Variants in FTO observed in about 807,000 individuals in gnomAD.
FTO encodes the protein alpha-ketoglutarate-dependent dioxygenase FTO.
Under a neutral mutation model 63.9 loss-of-function variants are expected in FTO, and 47 were observed. That is an observed-to-expected ratio of 0.74 (90% CI 0.58 to 0.94). FTO has a LOEUF of 0.94. FTO is among the 40% of genes least tolerant of loss of function. The pLI, the probability that FTO is intolerant of heterozygous loss-of-function variation, is 0.00. For missense variants in FTO, 562 were observed against 618.1 expected (o/e 0.91, Z 0.96); for synonymous variants, 207 against 224.4 (o/e 0.92, Z 0.69).
chr16:53,711,645 A>G (rs1299714589), intron 1 of FTO, among the ~76,000 whole-genome samples: 2 of 152,180 alleles, frequency 1.3e-5, no homozygotes, highest in African/African-American at 4.8e-5. Context: ...TTAGTCATGG[A>G]ATAAAAAGCT....
chr16:53,885,627 T>C (rs1467819671), intron 6 of FTO, among the ~76,000 whole-genome samples: 3 of 152,236 alleles, frequency 2.0e-5, no homozygotes, highest in Admixed American at 1.3e-4. Flanking sequence ...GTGGTCTTGT[T>C]TAGTATGCAT....
At chr16:53,804,893 G>A (rs901363710) in intron 1 of FTO, among the ~76,000 whole-genome samples, 1 of 152,060 alleles carries the variant, frequency 6.6e-6, no homozygotes, top group Non-Finnish European at 1.5e-5. Context: ...GGGCTTACAG[G>A]TGTGAGCCAC....
chr16:54,018,423 T>G (rs2084509113), intron 8 of FTO, among the ~76,000 whole-genome samples: 1 of 151,962 alleles, frequency 6.6e-6, no homozygotes, highest in Non-Finnish European at 1.5e-5. Context: ...CATACATACA[T>G]ACATACATAC....
At chr16:53,842,532 C>T (rs7205009) in intron 3 of FTO, among the ~76,000 whole-genome samples, 69,061 of 151,890 alleles carry the variant, frequency 0.45, 16,203 homozygotes, top group Middle Eastern at 0.56. Context: ...CCCAGAAAAA[C>T]TAGTCTTGAG....
chr16:54,001,480 C>T (rs1346432143), intron 8 of FTO, among the ~76,000 whole-genome samples: 11 of 152,114 alleles, frequency 7.2e-5, no homozygotes, highest in Non-Finnish European at 1.5e-4. Context: ...GGTGCTTAAC[C>T]TAAGAAGCAT....
chr16:53,773,886 T>G (rs2077400435), intron 1 of FTO, among the ~76,000 whole-genome samples: 1 of 152,130 alleles, frequency 6.6e-6, no homozygotes, highest in Non-Finnish European at 1.5e-5. Context: ...CACTTGTTAC[T>G]CAGAACTGTG....
chr16:53,935,292 T>G (rs1438244778), intron 8 of FTO, among the ~76,000 whole-genome samples: 1 of 152,260 alleles, frequency 6.6e-6, no homozygotes, highest in Non-Finnish European at 1.5e-5. Context: ...TGCAACAGAA[T>G]TTATAATAAT....
intron 4 of FTO, among the ~76,000 whole-genome samples, chr16:53,860,359 T>G (rs1232008461): frequency 6.6e-6 from 1 of 152,222 alleles, no homozygotes; most frequent in Non-Finnish European, 1.5e-5. Context: ...AAGTTTTGTT[T>G]ATGCAGAATG....
At chr16:53,808,582 G>A (rs2078432789) in intron 1 of FTO, among the ~76,000 whole-genome samples, 6 of 152,152 alleles carry the variant, frequency 3.9e-5, no homozygotes, top group Non-Finnish European at 8.8e-5. Flanking sequence ...CCAAAAGGAA[G>A]TTTCCTCTGA....
At chr16:53,905,682 G>A (rs79970796) in intron 7 of FTO, among the ~76,000 whole-genome samples, 2,815 of 152,054 alleles carry the variant, frequency 0.019, 38 homozygotes, top group Admixed American at 0.029. Context: ...ATCACTGTCC[G>A]AAATTATGTT....
chr16:53,848,947 A>C (rs11075999), intron 4 of FTO, among the ~76,000 whole-genome samples: 29,797 of 152,168 alleles, frequency 0.2, 3,118 homozygotes, highest in East Asian at 0.33. Context: ...TTTCTTAAGC[A>C]CAACTAAATC....
chr16:53,981,917 A>C (rs1166135749), intron 8 of FTO: 1 of 147,872 alleles, frequency 6.8e-6, no homozygotes, highest in African/African-American at 2.7e-5. Flanking sequence ...GTTTCCAAAA[A>C]AAAAAAAAAA....
chr16:53,952,533 G>A lies in FTO; in HGVS notation c.1364+18424G>A, dbSNP rs563679870. ...ATCTTTGGCAACTTCCCATATTTTC[G>A]TACTTAGAAAAGTATCATAATTCTT... On this transcript the variant is annotated intron_variant, in intron 8 of 8. Coordinates refer to ENST00000471389, the MANE Select transcript of FTO (RefSeq NM_001080432.3). Among the ~76,000 whole-genome samples the A allele has an allele frequency of 5.7e-4, 87 of 152,232 alleles. 1 individual carries two copies. The South Asian group carries it at 0.017, about 29-fold the overall frequency.
intron 1 of FTO, among the ~76,000 whole-genome samples, chr16:53,801,232 AT>A (rs1425903366): frequency 6.8e-6 from 1 of 147,568 alleles, no homozygotes; most frequent in African/African-American, 2.5e-5. Flanking sequence ...ATTACTTGTA[AT>A]TTTTTGGTTT....
At chr16:54,049,643 A>G (rs2085268285) in intron 8 of FTO, among the ~76,000 whole-genome samples, 1 of 152,166 alleles carries the variant, frequency 6.6e-6, no homozygotes, top group African/African-American at 2.4e-5. Context: ...AACTCATTCA[A>G]GTGTTAAGGT....
Position 53,777,137 on chromosome 16 carries a change from T to G in FTO, c.46-33003T>G, listed in dbSNP as rs774319947. Among the ~76,000 whole-genome samples, 9 of 152,312 alleles carry G rather than the reference T, an allele frequency of 5.9e-5. No individual in the cohort carries two copies. In the South Asian group the frequency reaches 8.3e-4, roughly 14 times the overall value. On this transcript the variant is annotated intron_variant, in intron 1 of 8. Transcript: ENST00000471389. ...CATTACTGTTTACTAGTCAGCATGC[T>G]GTGCAACAGATCACTAGAACTTAGG...
intron 8 of FTO, among the ~76,000 whole-genome samples, chr16:54,058,408 C>A (rs2085489730): frequency 1.3e-5 from 2 of 152,168 alleles, no homozygotes; most frequent in Non-Finnish European, 2.9e-5. Flanking sequence ...CAGGCGTGAG[C>A]CACCACGCCT....
intron 1 of FTO, among the ~76,000 whole-genome samples, chr16:53,759,254 A>G (rs942990448): frequency 6.6e-6 from 1 of 152,226 alleles, no homozygotes; most frequent in African/African-American, 2.4e-5. Context: ...AGTTGAAGAC[A>G]TTTGTCCAGA....
chr16:54,056,956 C>G (rs936472697), intron 8 of FTO, among the ~76,000 whole-genome samples: 7 of 152,154 alleles, frequency 4.6e-5, no homozygotes, highest in African/African-American at 1.7e-4. Flanking sequence ...TGAATGACAA[C>G]TTTGCCAGGG....
Sources: allele counts gnomAD v4.1 joint callset (sites outside exome capture counted in the v4.1 genomes callset), GRCh38; gene constraint gnomAD v4.1.1; transcripts MANE v1.5; gene names NCBI Gene and HGNC (gene_info 2026-07-23, HGNC 2026-07-21).